Variants in PHKA1 observed in about 807,000 individuals in gnomAD.
The protein encoded by PHKA1 is phosphorylase kinase regulatory subunit alpha 1, also known as phosphorylase b kinase regulatory subunit alpha, skeletal muscle isoform.
Under a neutral mutation model 110.2 loss-of-function variants are expected in PHKA1, and 60 were observed. The ratio of observed to expected loss-of-function variants is 0.54; its 90% CI spans 0.44 to 0.68. The LOEUF is 0.68. Among genes scored for constraint, PHKA1 ranks in the 30% least tolerant of loss-of-function variants. The probability of loss-of-function intolerance (pLI) is 0.00; values close to 1 mark genes in which losing one functional copy is unlikely to be tolerated. For synonymous variants in PHKA1, 316 were observed against 333.6 expected, an observed-to-expected ratio of 0.95 and a Z score of 0.58; for missense variants, 801 against 942.5, an observed-to-expected ratio of 0.85 and a Z score of 1.97.
At chrX:72,710,716 T>C (rs2054359246) in intron 2 of PHKA1, among the ~76,000 whole-genome samples, 1 of 111,483 alleles carries the variant, frequency 9.0e-6, no homozygotes, top group Non-Finnish European at 1.9e-5. Context: ...GTATGAAAGG[T>C]ATTTTTTGGC....
intron 22 of PHKA1, 115 bp from the exon 23 acceptor site, chrX:72,609,818 C>T (rs782211591): frequency 1.8e-6 from 1 of 550,712 alleles, no homozygotes; most frequent in African/African-American, 2.2e-5. Context: ...ACACTGAACT[C>T]TCTTCCTCAG....
intron 16 of PHKA1, among the ~76,000 whole-genome samples, chrX:72,631,175 G>A (rs143602945): frequency 0.019 from 2,087 of 109,696 alleles, 26 homozygotes; most frequent in Non-Finnish European, 0.03. Context: ...TGTATTTTCA[G>A]TTTCTTTGCT....
intron 28 of PHKA1, among the ~76,000 whole-genome samples, chrX:72,595,067 C>T (rs1360679288): frequency 9.0e-6 from 1 of 111,715 alleles, no homozygotes; most frequent in Non-Finnish European, 1.9e-5. Flanking sequence ...AAACCAAATT[C>T]AGTGATATAC....
chrX:72,682,944 A>T (rs1422633002), intron 5 of PHKA1, among the ~76,000 whole-genome samples: 3 of 104,820 alleles, frequency 2.9e-5, no homozygotes, highest in African/African-American at 1.0e-4. Flanking sequence ...TAAAAAAAAA[A>T]AAAAAAAAAA....
chrX:72,674,352 T>G (rs1878935686), intron 6 of PHKA1, among the ~76,000 whole-genome samples: 1 of 110,270 alleles, frequency 9.1e-6, no homozygotes, highest in East Asian at 2.9e-4. Flanking sequence ...AAATGGTATT[T>G]CTAGTTCTAG....
At chrX:72,632,473 G>A (rs1311416112) in intron 16 of PHKA1, among the ~76,000 whole-genome samples, 5 of 110,885 alleles carry the variant, frequency 4.5e-5, no homozygotes, top group East Asian at 2.8e-4. Flanking sequence ...TTAATACTGC[G>A]ACCACTGCTT....
At chrX:72,630,882 T>G (rs782392240) in intron 16 of PHKA1, among the ~76,000 whole-genome samples, 1 of 111,117 alleles carries the variant, frequency 9.0e-6, no homozygotes, top group East Asian at 2.8e-4. Flanking sequence ...CTTTTTCTCC[T>G]CTTTCTGAAA....
intron 6 of PHKA1, among the ~76,000 whole-genome samples, chrX:72,671,995 C>G (rs2053708807): frequency 8.9e-6 from 1 of 112,205 alleles, no homozygotes; most frequent in South Asian, 3.7e-4. Context: ...TAGAAGAAAA[C>G]CTAGGCAATA....
At chrX:72,603,010 T>C in intron 26 of PHKA1, 109 bp downstream of exon 26, 2 of 542,925 alleles carry the variant, frequency 3.7e-6, no homozygotes, top group Non-Finnish European at 6.4e-6. Flanking sequence ...TATATTGGAG[T>C]TTATTTATTT....
intron 23 of PHKA1, 61 bp from the exon 24 acceptor site, chrX:72,605,680 G>GA: frequency 2.3e-6 from 2 of 861,077 alleles, no homozygotes; most frequent in East Asian, 3.1e-5. Context: ...TAAATATGTT[G>GA]AAAAAATGAA....
intron 14 of PHKA1, among the ~76,000 whole-genome samples, chrX:72,640,426 C>T (rs5958809): frequency 1.2e-4 from 13 of 111,691 alleles, no homozygotes; most frequent in African/African-American, 3.6e-4. Flanking sequence ...GAAGAAATTA[C>T]GTTAATACAG....
At chrX:72,587,107 A>T (rs781879285) in intron 29 of PHKA1, among the ~76,000 whole-genome samples, 32 of 110,764 alleles carry the variant, frequency 2.9e-4, no homozygotes, top group Non-Finnish European at 5.5e-4. Context: ...TCTCAAAAAG[A>T]GCAACACCAA....
chrX:72,656,742 A>G (rs2053501293), intron 9 of PHKA1, among the ~76,000 whole-genome samples: 1 of 111,896 alleles, frequency 8.9e-6, no homozygotes, highest in Non-Finnish European at 1.9e-5. Flanking sequence ...TAGTGGGAAA[A>G]TTAAAATAGG....
At chrX:72,606,898 C>T (rs187047950) in intron 23 of PHKA1, among the ~76,000 whole-genome samples, 1 of 111,507 alleles carries the variant, frequency 9.0e-6, no homozygotes, top group African/African-American at 3.3e-5. Context: ...TTTTGGTAAC[C>T]ATCATTCTAC....
At position 72,712,767 on chromosome X, in the gene PHKA1, T is replaced by C; in HGVS notation, c.237+12A>G. 1.7e-6 allele frequency: 2 copies of C among 1,206,796 alleles called. No homozygotes were observed. The highest frequency in any genetic ancestry group is 2.2e-6 in the Non-Finnish European group (2 of 891,330). ...ATAGCTCCAGATCTCTTTGTATTTT[T>C]ATTTTGAGTACCTGCTCCAATTCAT... On this transcript the variant is annotated intron_variant, in intron 2 of 31. Coordinates refer to ENST00000373542, the MANE Select transcript of PHKA1 (RefSeq NM_002637.4).
chrX:72,639,492 C>T (rs946032660), intron 14 of PHKA1, among the ~76,000 whole-genome samples: 1 of 111,246 alleles, frequency 9.0e-6, no homozygotes, highest in Admixed American at 9.5e-5. Flanking sequence ...GCCGAGATCG[C>T]GCCACTGCAC....
chrX:72,714,075 G>A lies in PHKA1; in HGVS notation c.-195C>T. The A allele has an allele frequency of 2.2e-6, 1 of 457,880 alleles. No homozygotes were observed. Among genetic ancestry groups the A allele is most frequent in the Non-Finnish European group, 3.8e-6 (1 of 260,253 alleles). 37.7% of individuals were successfully genotyped at this position (457,880 alleles called of 1,213,427 possible). On this transcript the variant is annotated 5_prime_UTR_variant, in exon 1 of 32. Coordinates refer to ENST00000373542, the MANE Select transcript of PHKA1 (RefSeq NM_002637.4). ...CCTCTCCGGACTCCGGCGGCCTCAG[G>A]GGCCCACCACGCGCCAGCGCTAGCA...
intron 6 of PHKA1, among the ~76,000 whole-genome samples, chrX:72,674,944 G>A (rs1320324717): frequency 9.1e-6 from 1 of 109,771 alleles, no homozygotes; most frequent in Non-Finnish European, 1.9e-5. Flanking sequence ...AGCACTTTGG[G>A]AGGCCAAGGC....
At chrX:72,675,986 A>G (rs921283008) in intron 6 of PHKA1, 84 bp downstream of exon 6, 1 of 665,599 alleles carries the variant, frequency 1.5e-6, no homozygotes, top group Non-Finnish European at 2.5e-6. Context: ...ATTATGGTCC[A>G]CAGTCACATT....
Sources: allele counts gnomAD v4.1 joint callset (sites outside exome capture counted in the v4.1 genomes callset), GRCh38; gene constraint gnomAD v4.1.1; transcripts MANE v1.5; gene names NCBI Gene and HGNC (gene_info 2026-07-23, HGNC 2026-07-21).